EPHA3: variants seen among roughly 807,000 people sequenced by gnomAD.
EPHA3 encodes EPH receptor A3.
Under a neutral mutation model 107.1 loss-of-function variants are expected in EPHA3, and 42 were observed. The observed-to-expected ratio is 0.39, with a 90% CI of 0.31 to 0.51. The LOEUF is 0.51. Among genes scored for constraint, EPHA3 ranks in the 20% least tolerant of loss-of-function variants. The pLI, the probability that EPHA3 is intolerant of heterozygous loss-of-function variation, is 0.78. For synonymous variants in EPHA3, 461 were observed against 424.8 expected (o/e 1.09, Z -1.05); for missense variants, 1,183 against 1,211.2 (o/e 0.98, Z 0.35).
chr3:89,239,643 T>A (rs1295857382), intron 3 of EPHA3, among the ~76,000 whole-genome samples: 1 of 152,184 alleles, frequency 6.6e-6, no homozygotes, highest in African/African-American at 2.4e-5. Context: ...ATTACAGATA[T>A]AAACACATCA....
At chr3:89,251,460 A>C (rs9829401) in intron 3 of EPHA3, among the ~76,000 whole-genome samples, 42,992 of 151,786 alleles carry the variant, frequency 0.28, 6,560 homozygotes, top group African/African-American at 0.38. Flanking sequence ...GGGAAAGATC[A>C]CTCAAATTTA....
intron 2 of EPHA3, among the ~76,000 whole-genome samples, chr3:89,170,519 T>G (rs1478253525): frequency 6.6e-6 from 1 of 152,172 alleles, no homozygotes; most frequent in Non-Finnish European, 1.5e-5. Flanking sequence ...TGCACACAAC[T>G]TGGCTATAAA....
At chr3:89,471,611 G>A (rs1443507652) in intron 15 of EPHA3, among the ~76,000 whole-genome samples, 1 of 152,032 alleles carries the variant, frequency 6.6e-6, no homozygotes, top group Admixed American at 6.5e-5. Context: ...TGACCCGCCG[G>A]CCTCAACCTC....
chr3:89,117,522 C>G (rs1707285221), intron 1 of EPHA3, among the ~76,000 whole-genome samples: 1 of 152,084 alleles, frequency 6.6e-6, no homozygotes, highest in Non-Finnish European at 1.5e-5. Context: ...TTTGCAATGT[C>G]TTCCATGTGG....
chr3:89,323,299 A>T (rs1219464054), intron 3 of EPHA3, among the ~76,000 whole-genome samples: 1 of 152,114 alleles, frequency 6.6e-6, no homozygotes, highest in East Asian at 1.9e-4. Flanking sequence ...ACAAAATCCT[A>T]TTATAAAGTT....
intron 5 of EPHA3, among the ~76,000 whole-genome samples, chr3:89,371,738 A>C (rs1056193163): frequency 6.6e-6 from 1 of 150,956 alleles, no homozygotes; most frequent in Non-Finnish European, 1.5e-5. Context: ...ACACACACAC[A>C]CACAACACAC....
intron 2 of EPHA3, among the ~76,000 whole-genome samples, chr3:89,180,524 G>T (rs950232666): frequency 6.6e-6 from 1 of 152,000 alleles, no homozygotes; most frequent in African/African-American, 2.4e-5. Context: ...TTTTGACATT[G>T]TGCTTACTTT....
At position 89,359,760 on chromosome 3, in the gene EPHA3, C is replaced by CACAT. The variant is rs1559663594; in HGVS notation, c.1306+17671_1306+17672insCATA. ...ATACACATATATACACATATATACA[C>CACAT]ATATATACACACATATATATACATA... On this transcript the variant is annotated intron_variant, in intron 5 of 16. Transcript: ENST00000336596. 1.2e-3 allele frequency among the ~76,000 whole-genome samples: 159 copies of CACAT among 137,162 alleles called. 1 individual carries two copies. The highest frequency in any genetic ancestry group is 2.7e-3 in the African/African-American group (102 of 37,218). The allele number at this position is 137,162 out of a possible 152,430, so 90.0% of individuals were successfully genotyped here.
At chr3:89,202,506 A>AT (rs1000651861) in intron 2 of EPHA3, among the ~76,000 whole-genome samples, 3 of 85,670 alleles carry the variant, frequency 3.5e-5, no homozygotes, top group African/African-American at 1.3e-4. Context: ...ACTGAGCGAG[A>AT]CTCTGTCTCA....
intron 2 of EPHA3, among the ~76,000 whole-genome samples, chr3:89,193,262 T>C (rs1264098543): frequency 6.6e-6 from 1 of 152,080 alleles, no homozygotes; most frequent in Non-Finnish European, 1.5e-5. Context: ...CTGGCCATTG[T>C]TTTTGGGTTT....
intron 2 of EPHA3, among the ~76,000 whole-genome samples, chr3:89,134,790 G>A (rs1704278882): frequency 6.6e-6 from 1 of 152,130 alleles, no homozygotes. Flanking sequence ...TGGGTTGTTG[G>A]TGTTGTGAGT....
intron 3 of EPHA3, among the ~76,000 whole-genome samples, chr3:89,320,732 A>C (rs559742010): frequency 1.3e-5 from 2 of 152,260 alleles, no homozygotes; most frequent in African/African-American, 2.4e-5. Context: ...GATGTAAAAC[A>C]CCACAAAAAT....
At chr3:89,137,644 T>C (rs527851612) in intron 2 of EPHA3, among the ~76,000 whole-genome samples, 4 of 152,094 alleles carry the variant, frequency 2.6e-5, no homozygotes, top group South Asian at 4.1e-4. Flanking sequence ...GCTCACTTTA[T>C]TGAGAAATAA....
intron 5 of EPHA3, among the ~76,000 whole-genome samples, chr3:89,355,629 A>G (rs948333768): frequency 1.3e-5 from 2 of 150,726 alleles, no homozygotes; most frequent in Non-Finnish European, 1.5e-5. Context: ...GCATCTTTGT[A>G]TCCTTTTTGA....
chr3:89,255,547 C>T (rs1269327681), intron 3 of EPHA3, among the ~76,000 whole-genome samples: 1 of 152,184 alleles, frequency 6.6e-6, no homozygotes, highest in Non-Finnish European at 1.5e-5. Context: ...CCTGTAAAGC[C>T]TGAAATATTT....
intron 11 of EPHA3, among the ~76,000 whole-genome samples, chr3:89,426,040 AT>A (rs1419812939): frequency 1.3e-5 from 2 of 151,670 alleles, no homozygotes; most frequent in Non-Finnish European, 3.0e-5. Flanking sequence ...TGTTTTGCTC[AT>A]TTTTGATGGT....
At chr3:89,394,240 G>T (rs1576355612) in intron 5 of EPHA3, among the ~76,000 whole-genome samples, 1 of 152,018 alleles carries the variant, frequency 6.6e-6, no homozygotes, top group Non-Finnish European at 1.5e-5. Context: ...ACAAAACTTT[G>T]TCTCTACAAA....
chr3:89,132,504 G>A (rs1222262344), intron 2 of EPHA3, among the ~76,000 whole-genome samples: 1 of 152,116 alleles, frequency 6.6e-6, no homozygotes, highest in African/African-American at 2.4e-5. Context: ...AACAGGTTAA[G>A]AACATTGGTT....
At chr3:89,351,339 G>T (rs1202432808) in intron 5 of EPHA3, among the ~76,000 whole-genome samples, 1 of 151,278 alleles carries the variant, frequency 6.6e-6, no homozygotes, top group Admixed American at 6.6e-5. Flanking sequence ...TTTTAAGCCG[G>T]TCTGAAAAGC....
Sources: allele counts gnomAD v4.1 joint callset (sites outside exome capture counted in the v4.1 genomes callset), GRCh38; gene constraint gnomAD v4.1.1; transcripts MANE v1.5; gene names NCBI Gene and HGNC (gene_info 2026-07-23, HGNC 2026-07-21).